DCDC1: variants seen among roughly 807,000 people sequenced by gnomAD.
DCDC1 encodes the protein doublecortin domain containing 1, also known as doublecortin domain-containing protein 1.
A neutral mutation model predicts 178.3 loss-of-function variants in DCDC1; 200 were observed. The observed-to-expected ratio is 1.12, with a 90% CI of 1.00 to 1.26. The LOEUF is 1.26. Ranked by LOEUF, DCDC1 falls within the 50% of genes most tolerant of loss-of-function variation. DCDC1 has a pLI of 0.00. For missense variants in DCDC1, 1,983 were observed against 1,749.2 expected (o/e 1.13, Z -2.38); for synonymous variants, 690 against 604.8 (o/e 1.14, Z -2.07).
intron 9 of DCDC1, among the ~76,000 whole-genome samples, chr11:31,193,660 G>T (rs1358692096): frequency 6.6e-6 from 1 of 152,000 alleles, no homozygotes; most frequent in Non-Finnish European, 1.5e-5. Flanking sequence ...CAAGTCACCA[G>T]ACAAATGCTC....
chr11:31,072,317 G>A (rs1956615688), intron 18 of DCDC1, among the ~76,000 whole-genome samples: 1 of 151,754 alleles, frequency 6.6e-6, no homozygotes, highest in Admixed American at 6.6e-5. Context: ...GCCTATATAA[G>A]GTTTATTATA....
intron 21 of DCDC1, among the ~76,000 whole-genome samples, chr11:30,944,878 T>C (rs1223412296): frequency 6.6e-6 from 1 of 151,350 alleles, no homozygotes; most frequent in Non-Finnish European, 1.5e-5. Context: ...TCTGTTTGAA[T>C]AGCCTAGAGA....
intron 20 of DCDC1, among the ~76,000 whole-genome samples, 167 bp from the exon 21 acceptor site, chr11:30,952,735 C>A (rs1948507217): frequency 6.6e-6 from 1 of 151,972 alleles, no homozygotes; most frequent in Non-Finnish European, 1.5e-5. Flanking sequence ...ATGAGAGTAA[C>A]TTACTAAAAA....
At chr11:31,302,833 G>A (rs1434846661) in intron 6 of DCDC1, among the ~76,000 whole-genome samples, 1 of 148,430 alleles carries the variant, frequency 6.7e-6, no homozygotes, top group Non-Finnish European at 1.5e-5. Flanking sequence ...TCTGGAAATC[G>A]TTCTTAGGCA....
chr11:31,127,994 T>C (rs1961887230), intron 10 of DCDC1, among the ~76,000 whole-genome samples: 1 of 152,148 alleles, frequency 6.6e-6, no homozygotes, highest in Non-Finnish European at 1.5e-5. Context: ...AATAATCCAA[T>C]GTATGTAACC....
intron 27 of DCDC1, among the ~76,000 whole-genome samples, chr11:30,913,720 T>G (rs923253575): frequency 2.6e-5 from 4 of 152,194 alleles, no homozygotes; most frequent in African/African-American, 7.2e-5. Context: ...TCCAAGGCAG[T>G]GCTACACATG....
At chr11:31,065,509 C>T (rs1411161992) in intron 18 of DCDC1, among the ~76,000 whole-genome samples, 1 of 151,988 alleles carries the variant, frequency 6.6e-6, no homozygotes, top group Admixed American at 6.6e-5. Flanking sequence ...TGTGTAGTTG[C>T]TGTATTGTTT....
At chr11:31,145,300 G>A (rs972721482) in intron 9 of DCDC1, among the ~76,000 whole-genome samples, 10 of 152,172 alleles carry the variant, frequency 6.6e-5, no homozygotes, top group Non-Finnish European at 4.4e-5. Flanking sequence ...AGGATTGATG[G>A]GGTTTGTCTG....
intron 3 of DCDC1, among the ~76,000 whole-genome samples, chr11:31,316,019 T>G (rs1476845947): frequency 1.2e-5 from 1 of 81,992 alleles, no homozygotes; most frequent in Non-Finnish European, 2.3e-5. Context: ...TATTCCACGG[T>G]GTATATGTGC....
At chr11:31,238,962 C>G (rs776425744) in intron 9 of DCDC1, among the ~76,000 whole-genome samples, 2 of 151,904 alleles carry the variant, frequency 1.3e-5, no homozygotes, top group Non-Finnish European at 2.9e-5. Context: ...AAACATAAAA[C>G]CAGTAGCCCT....
chr11:31,368,381 T>C (rs1564940099), intron 1 of DCDC1, among the ~76,000 whole-genome samples: 1 of 152,156 alleles, frequency 6.6e-6, no homozygotes. Context: ...AGAAGGGAGT[T>C]TGAGGGCTAG....
chr11:31,110,429 A>G (rs1959132453), intron 11 of DCDC1, 68 bp from the exon 12 acceptor site: 2 of 619,012 alleles, frequency 3.2e-6, no homozygotes, highest in African/African-American at 3.7e-5. Context: ...ATTCATACAT[A>G]CTTAGATAAA....
intron 21 of DCDC1, among the ~76,000 whole-genome samples, chr11:30,951,020 A>C (rs548784812): frequency 6.4e-4 from 98 of 152,198 alleles, no homozygotes; most frequent in Middle Eastern, 3.4e-3. Context: ...ATTATAAATA[A>C]ATTTTTAAAG....
At chr11:31,036,027 C>T (rs1954003256) in intron 20 of DCDC1, among the ~76,000 whole-genome samples, 1 of 152,154 alleles carries the variant, frequency 6.6e-6, no homozygotes, top group Non-Finnish European at 1.5e-5. Flanking sequence ...TGTGCCCCTT[C>T]AACATGCCCC....
At chr11:31,019,934 T>C (rs2135192375) in intron 20 of DCDC1, among the ~76,000 whole-genome samples, 1 of 152,152 alleles carries the variant, frequency 6.6e-6, no homozygotes, top group Admixed American at 6.5e-5. Context: ...ACTCTCACCT[T>C]CTCGGAGAGA....
chr11:30,907,357 C>T (rs910577318), intron 29 of DCDC1, among the ~76,000 whole-genome samples: 3 of 152,086 alleles, frequency 2.0e-5, no homozygotes, highest in Non-Finnish European at 2.9e-5. Flanking sequence ...ACAATAAAAC[C>T]ATCCCACTCT....
intron 15 of DCDC1, among the ~76,000 whole-genome samples, chr11:31,096,404 C>A (rs1406692166): frequency 6.6e-6 from 1 of 152,190 alleles, no homozygotes; most frequent in African/African-American, 2.4e-5. Flanking sequence ...TGCAACTGGG[C>A]AGAAGATTGT....
intron 32 of DCDC1, 131 bp from the exon 33 acceptor site, chr11:30,900,629 T>C: frequency 1.1e-6 from 1 of 887,190 alleles, no homozygotes; most frequent in Non-Finnish European, 1.5e-6. Flanking sequence ...AATGCCAAAA[T>C]CAGAGACTAA....
intron 8 of DCDC1, chr11:31,262,902 G>T: frequency 1.5e-6 from 1 of 651,288 alleles, no homozygotes; most frequent in Non-Finnish European, 2.5e-6. Flanking sequence ...CATGTTAGTG[G>T]TTGCACAGGC....
Sources: gnomAD v4.1 joint callset for allele counts (sites outside exome capture counted in the v4.1 genomes callset) on GRCh38, gnomAD v4.1.1 for gene constraint, MANE v1.5 for transcripts, NCBI Gene and HGNC (gene_info 2026-07-23, HGNC 2026-07-21) for gene names.